Variants in USP34 observed in about 807,000 individuals in gnomAD.
USP34 encodes ubiquitin carboxyl-terminal hydrolase 34.
A neutral mutation model predicts 460.3 loss-of-function variants in USP34; 70 were observed. The ratio of observed to expected loss-of-function variants is 0.15; its 90% CI spans 0.13 to 0.19. The LOEUF (loss-of-function observed/expected upper bound fraction) is 0.19. Among genes scored for constraint, USP34 ranks in the 10% least tolerant of loss-of-function variants. USP34 has a pLI of 1.00. For synonymous variants in USP34, 1,647 were observed against 1,405.3 expected (o/e 1.17, Z -3.85); for missense variants, 3,985 against 4,236.2 (o/e 0.94, Z 1.65).
chr2:61,284,156 A>T (rs1236717541), intron 35 of USP34, among the ~76,000 whole-genome samples: 1 of 152,238 alleles, frequency 6.6e-6, no homozygotes, highest in Non-Finnish European at 1.5e-5. Flanking sequence ...TGAATAAAAC[A>T]TTGACTGAAA....
intron 1 of USP34, among the ~76,000 whole-genome samples, chr2:61,462,805 T>C (rs1695643541): frequency 1.4e-5 from 2 of 146,162 alleles, no homozygotes; most frequent in South Asian, 4.3e-4. Context: ...GAGGGTGCAG[T>C]GAGCCGAGAC....
chr2:61,280,234 C>A lies in USP34; in HGVS notation c.5256+10G>T. Reference sequence around the variant, plus strand: ...AATACATAGAATAGTATATAATTTTCTGAACATACCTGACTAGCGTCCTTT... The same window carrying A: ...AATACATAGAATAGTATATAATTTTATGAACATACCTGACTAGCGTCCTTT... On this transcript the variant is annotated intron_variant, in intron 39 of 79. Coordinates refer to ENST00000398571, the MANE Select transcript of USP34 (RefSeq NM_014709.4). 6.8e-7 allele frequency: 1 copy of A among 1,462,712 alleles called. No homozygotes were observed. Among genetic ancestry groups the A allele is most frequent in the Non-Finnish European group, 9.3e-7 (1 of 1,077,158 alleles). The allele number at this position is 1,462,712 out of a possible 1,614,324, so 90.6% of individuals were successfully genotyped here.
chr2:61,356,663 A>G (rs547024296), intron 10 of USP34, among the ~76,000 whole-genome samples: 1 of 152,334 alleles, frequency 6.6e-6, no homozygotes, highest in East Asian at 1.9e-4. Flanking sequence ...TAGACTACTC[A>G]AAATCACGGA....
chr2:61,200,680 G>A (rs1005890273), intron 75 of USP34: 1 of 152,164 alleles, frequency 6.6e-6, no homozygotes, highest in Non-Finnish European at 1.5e-5. Context: ...AATGATTAAA[G>A]ATATAACCAA....
intron 71 of USP34, among the ~76,000 whole-genome samples, chr2:61,206,421 G>A (rs922995195): frequency 1.6e-4 from 25 of 152,120 alleles, no homozygotes; most frequent in African/African-American, 6.0e-4. Context: ...TAGTCATCTC[G>A]CATGAAACTG....
intron 8 of USP34, among the ~76,000 whole-genome samples, chr2:61,376,970 G>C (rs767685091): frequency 2.0e-5 from 3 of 152,114 alleles, no homozygotes; most frequent in East Asian, 1.9e-4. Context: ...AAATACACTG[G>C]ATATCGTCTA....
intron 78 of USP34, 113 bp from the exon 79 acceptor site, chr2:61,189,182 TACCCTGGTTTCTCTG>T: frequency 1.7e-6 from 2 of 1,144,528 alleles, no homozygotes; most frequent in Non-Finnish European, 2.4e-6. Context: ...TTCCTAAGAA[TACCCTGGTTTCTCTG>T]GGATTCTTAG....
chr2:61,446,921 C>T (rs116321196), intron 1 of USP34, among the ~76,000 whole-genome samples: 68 of 152,060 alleles, frequency 4.5e-4, no homozygotes, highest in African/African-American at 1.6e-3. Context: ...TTATGTACAT[C>T]ATCTTTCCAA....
intron 41 of USP34, among the ~76,000 whole-genome samples, chr2:61,267,541 C>G (rs947885568): frequency 1.3e-5 from 2 of 151,308 alleles, no homozygotes; most frequent in African/African-American, 4.9e-5. Flanking sequence ...TGCCCAGGTT[C>G]GAGCGATTCT....
Position 61,343,853 on chromosome 2 carries a change from G to A in USP34, c.2462C>T (p.Pro821Leu). The A allele has an allele frequency of 6.2e-7, 1 of 1,613,938 alleles. No individual in the cohort carries two copies. Among genetic ancestry groups the A allele is most frequent in the Non-Finnish European group, 8.5e-7 (1 of 1,179,910 alleles). The change falls in exon 16 of 80, where the codon CCC becomes CTC. Residue 821 changes from proline to leucine, a missense_variant. Around this residue, in one of 14 missense-constraint regions of USP34, gnomAD observed 716 missense variants for 626.2 expected, o/e 1.14. Transcript: ENST00000398571. ...TTCATGGTAAATGGAAGCTAAATTG[G>A]GAAGATGTTGTTGGAGGTGAGATGT... Reference protein sequence around the residue: ...ELTSHLQQHLPNLASIYHEHL... With the variant: ...ELTSHLQQHLLNLASIYHEHL...
At position 61,296,851 on chromosome 2, in the gene USP34, A is replaced by G. The variant is rs751180142; in HGVS notation, c.4203T>C (p.Leu1401=). 3.1e-6 allele frequency: 5 copies of G among 1,613,832 alleles called. No homozygotes were observed. In the Admixed American group the frequency reaches 5.0e-5, roughly 16 times the overall value. The change falls in exon 30 of 80, where the codon CTT becomes CTC. Residue 1401 remains leucine, a synonymous_variant. Transcript: ENST00000398571. ...CCATCAACATATTAGGACATGTAGG[A>G]AGAAGCATCAGTAGCTCCCAGACCC... ...SRRVWELLML[L]PTCPNMLMAF... is the part of the protein sequence containing the mutation.
At chr2:61,410,887 C>A (rs540447141) in intron 2 of USP34, among the ~76,000 whole-genome samples, 2 of 152,128 alleles carry the variant, frequency 1.3e-5, no homozygotes, top group East Asian at 3.9e-4. Context: ...TGGAAAGGCT[C>A]AGGACTTAAG....
At chr2:61,320,839 G>A (rs1194521638) in intron 21 of USP34, among the ~76,000 whole-genome samples, 2 of 152,056 alleles carry the variant, frequency 1.3e-5, no homozygotes, top group African/African-American at 4.8e-5. Context: ...GTGAAACCCC[G>A]TCTCTACTAA....
chr2:61,363,209 C>G (rs992049648), intron 10 of USP34, among the ~76,000 whole-genome samples: 5 of 152,072 alleles, frequency 3.3e-5, no homozygotes, highest in Non-Finnish European at 7.4e-5. Flanking sequence ...ATGGAAGTAA[C>G]AAGTATAGGC....
intron 1 of USP34, among the ~76,000 whole-genome samples, chr2:61,438,048 A>C (rs558102525): frequency 9.3e-5 from 14 of 151,154 alleles, no homozygotes; most frequent in African/African-American, 2.4e-4. Flanking sequence ...GGAAAAACAA[A>C]CAAAAAAGAA....
At chr2:61,265,933 T>C in intron 42 of USP34, 51 bp downstream of exon 42, 2 of 1,476,538 alleles carry the variant, frequency 1.4e-6, no homozygotes, top group Non-Finnish European at 1.8e-6. Context: ...CTCAAAATCT[T>C]ATTTCTGAAT....
intron 75 of USP34, among the ~76,000 whole-genome samples, chr2:61,201,096 A>C (rs1223504035): frequency 6.6e-6 from 1 of 152,162 alleles, no homozygotes; most frequent in African/African-American, 2.4e-5. Context: ...GGTTAAAATT[A>C]AAGTAAAAAT....
Position 61,204,273 on chromosome 2 carries a change from T to G in USP34, c.9367A>C (p.Met3123Leu). 6.2e-7 allele frequency: 1 copy of G among 1,614,204 alleles called. No homozygotes were observed. The highest frequency in any genetic ancestry group is 8.5e-7 in the Non-Finnish European group (1 of 1,180,030). The stretch of plus-strand genomic sequence containing the variant: ...CAACATACCTTACTGGTTTCCACCA[T>G]TGTGGGCAAGAGGCACATATTGAGT... Reference protein sequence around the residue: ...PELNMCLLPTMVETSKGKDDV... With the variant: ...PELNMCLLPTLVETSKGKDDV... The change falls in exon 74 of 80, where the codon ATG becomes CTG. Residue 3123 changes from methionine (M) to leucine (L), a missense_variant. Met to Leu is a conservative substitution (Grantham distance 15, BLOSUM62 2). Around this residue, in one of 14 missense-constraint regions of USP34, gnomAD observed 275 missense variants for 292.7 expected, o/e 0.94. Coordinates refer to ENST00000398571, the MANE Select transcript of USP34 (RefSeq NM_014709.4).
intron 75 of USP34, among the ~76,000 whole-genome samples, chr2:61,195,644 C>T (rs1366824151): frequency 6.6e-6 from 1 of 151,956 alleles, no homozygotes; most frequent in Non-Finnish European, 1.5e-5. Flanking sequence ...TGCACTCCAG[C>T]CTGGGTGACA....
Sources: gnomAD v4.1 joint callset for allele counts (sites outside exome capture counted in the v4.1 genomes callset) on GRCh38, gnomAD v4.1.1 for gene constraint, gnomAD v4.1.1 regional missense constraint, MANE v1.5 for transcripts, NCBI Gene and HGNC (gene_info 2026-07-23, HGNC 2026-07-21) for gene names.